LARP1: variants seen among roughly 807,000 people sequenced by gnomAD.
LARP1 encodes La ribonucleoprotein 1, translational regulator, also known as la-related protein 1.
A neutral mutation model predicts 122.7 loss-of-function variants in LARP1; 36 were observed. The observed-to-expected ratio is 0.29, with a 90% confidence interval of 0.22 to 0.39. The LOEUF (loss-of-function observed/expected upper bound fraction) is 0.39, where lower values mean the gene tolerates loss of function less well. Ranked by LOEUF, LARP1 falls within the 10% of genes least tolerant of loss-of-function variation. The probability of loss-of-function intolerance (pLI) is 1.00; values close to 1 mark genes in which losing one functional copy is unlikely to be tolerated. For missense variants in LARP1, 1,040 were observed against 1,403.6 expected (o/e 0.74, Z 4.14); for synonymous variants, 539 against 528.7 (o/e 1.02, Z -0.27).
At chr5:154,698,205 C>A (rs1158866151) in intron 1 of LARP1, among the ~76,000 whole-genome samples, 2 of 152,112 alleles carry the variant, frequency 1.3e-5, no homozygotes, top group Non-Finnish European at 2.9e-5. Flanking sequence ...AATGTGTAAT[C>A]ATCAAATCAG....
Position 154,758,719 on chromosome 5 carries a change from A to G in LARP1, c.436+2526A>G, listed in dbSNP as rs1754206164. On this transcript the variant is annotated intron_variant, in intron 1 of 18. Transcript: ENST00000518297. ...GAAATGAGTACCTCATAAGCAAACT[A>G]AAAGCTTTCCAAAGCTTGCTGTAAA... Among the ~76,000 whole-genome samples the G allele has an allele frequency of 2.0e-5, 3 of 152,228 alleles. No homozygotes were observed. In the South Asian group the frequency reaches 6.2e-4, roughly 32 times the overall value.
At chr5:154,723,321 G>T (rs1381227097) in intron 1 of LARP1, among the ~76,000 whole-genome samples, 1 of 152,302 alleles carries the variant, frequency 6.6e-6, no homozygotes, top group South Asian at 2.1e-4. Context: ...GAACCCTTGG[G>T]CCATAAGTGG....
chr5:154,738,591 CA>C (rs1043450252), intron 1 of LARP1, among the ~76,000 whole-genome samples: 45 of 142,808 alleles, frequency 3.2e-4, no homozygotes, highest in East Asian at 4.1e-4. Flanking sequence ...GACTCCGTCT[CA>C]AAAAAAAAAA....
rs1039043344 is a variant in LARP1 at position 154,802,507 on chromosome 5, A to C, written c.2109+108A>C. The stretch of plus-strand genomic sequence containing the variant: ...TTTTAGGCAGGTCCTTATAATTCAG[A>C]GTCTCAGGATTTTTATATATGGGAA... On this transcript the variant is annotated intron_variant, in intron 11 of 18. Coordinates refer to ENST00000518297, the MANE Select transcript of LARP1 (RefSeq NM_033551.3). The surrounding 1 kb of genome is among the most constrained non-coding windows in gnomAD (Gnocchi z 5.1). The C allele has an allele frequency of 4.5e-6, 6 of 1,334,182 alleles. No individual in the cohort carries two copies. The African/African-American group carries it at 7.3e-5, about 16-fold the overall frequency. 82.6% of individuals were successfully genotyped at this position (1,334,182 alleles called of 1,614,324 possible). A position where few individuals can be genotyped will look rare whatever the true frequency, so the allele number is the denominator to read the frequency against.
At chr5:154,767,473 C>T (rs1373843570) in intron 1 of LARP1, among the ~76,000 whole-genome samples, 1 of 152,162 alleles carries the variant, frequency 6.6e-6, no homozygotes, top group Admixed American at 6.5e-5. Context: ...CCTACGTGAA[C>T]TCTCAGAGCC....
intron 1 of LARP1, among the ~76,000 whole-genome samples, chr5:154,768,605 G>A (rs1257191781): frequency 3.3e-5 from 5 of 151,630 alleles, no homozygotes; most frequent in African/African-American, 4.9e-5. Context: ...TATTTGAGAC[G>A]AAGTCTCACT....
At chr5:154,738,832 G>A (rs946600421) in intron 1 of LARP1, among the ~76,000 whole-genome samples, 7 of 152,102 alleles carry the variant, frequency 4.6e-5, no homozygotes, top group African/African-American at 1.2e-4. Flanking sequence ...TGAGGTGGGA[G>A]GATTTCTTGA....
intron 1 of LARP1, among the ~76,000 whole-genome samples, chr5:154,698,119 T>C (rs1424254312): frequency 6.6e-6 from 1 of 152,236 alleles, no homozygotes; most frequent in East Asian, 1.9e-4. Flanking sequence ...TTTTTGCTTT[T>C]ATTATAATTT....
At chr5:154,756,244 T>A in intron 1 of LARP1, 51 bp downstream of exon 1, 1 of 1,158,782 alleles carries the variant, frequency 8.6e-7, no homozygotes, top group Non-Finnish European at 1.1e-6. Context: ...TCCGGGGACA[T>A]GGGAGTCCCC....
intron 1 of LARP1, among the ~76,000 whole-genome samples, chr5:154,731,998 G>A (rs1360787431): frequency 6.7e-6 from 1 of 149,884 alleles, no homozygotes; most frequent in Non-Finnish European, 1.5e-5. Flanking sequence ...CTGCAGCCTG[G>A]TAACAGAGTG....
intron 1 of LARP1, among the ~76,000 whole-genome samples, chr5:154,774,555 A>T (rs1452169407): frequency 1.3e-5 from 2 of 152,164 alleles, no homozygotes; most frequent in Non-Finnish European, 2.9e-5. Flanking sequence ...AAACCCTTGG[A>T]TATAACGGGT....
chr5:154,717,916 ATTTTCTT>A (rs376116122), intron 1 of LARP1, among the ~76,000 whole-genome samples: 4 of 151,660 alleles, frequency 2.6e-5, no homozygotes, highest in African/African-American at 4.8e-5. Flanking sequence ...ATAGCCTTTC[ATTTTCTT>A]TTTTCTTTTT....
chr5:154,688,653 C>CAAAAAAA lies in LARP1; in HGVS notation c.-180+5633_-180+5639dup, dbSNP rs10677648. Among the ~76,000 whole-genome samples the CAAAAAAA allele has an allele frequency of 4.3e-4, 34 of 79,438 alleles. 1 individual carries two copies. Among genetic ancestry groups the CAAAAAAA allele is most frequent in the African/African-American group, 1.6e-3 (29 of 18,138 alleles). 52.1% of individuals were successfully genotyped at this position (79,438 alleles called of 152,430 possible). The stretch of plus-strand genomic sequence containing the variant: ...TGGGCGGCAGAGGAAGACTCCATCT[C>CAAAAAAA]AAAAAAAAAAAAAAAAAAAAAAATT... On this transcript the variant is annotated intron_variant, in intron 1 of 18. Coordinates refer to the LARP1 transcript ENST00000687700.
chr5:154,693,854 TA>T (rs36035997), intron 1 of LARP1, among the ~76,000 whole-genome samples: 173 of 130,262 alleles, frequency 1.3e-3, no homozygotes, highest in Admixed American at 1.5e-3. Context: ...AGACTCCGTC[TA>T]AAAAAAAAAA....
intron 1 of LARP1, among the ~76,000 whole-genome samples, chr5:154,700,101 G>A (rs1754644466): frequency 6.6e-6 from 1 of 152,084 alleles, no homozygotes; most frequent in Non-Finnish European, 1.5e-5. Context: ...GGGGAATGAG[G>A]TAACTGCCTC....
At chr5:154,765,831 G>A (rs563576563) in intron 1 of LARP1, among the ~76,000 whole-genome samples, 21 of 152,310 alleles carry the variant, frequency 1.4e-4, no homozygotes, top group African/African-American at 4.6e-4. Flanking sequence ...AATGAATTGC[G>A]TATTTTTAAT....
At chr5:154,748,522 A>G (rs1468168868) in intron 1 of LARP1, among the ~76,000 whole-genome samples, 1 of 152,222 alleles carries the variant, frequency 6.6e-6, no homozygotes, top group African/African-American at 2.4e-5. Flanking sequence ...TACTTTAACT[A>G]TGGAGATTAA....
At chr5:154,735,640 C>T (rs902535744) in intron 1 of LARP1, among the ~76,000 whole-genome samples, 7 of 151,206 alleles carry the variant, frequency 4.6e-5, no homozygotes, top group East Asian at 1.9e-4. Context: ...GTGATCTCGG[C>T]TCATTGAAAC....
chr5:154,741,121 T>G (rs963919893), intron 1 of LARP1, among the ~76,000 whole-genome samples: 1 of 152,120 alleles, frequency 6.6e-6, no homozygotes, highest in African/African-American at 2.4e-5. Context: ...GGGTGTTTGT[T>G]GCTTGATTAA....
Sources: allele counts gnomAD v4.1 joint callset (sites outside exome capture counted in the v4.1 genomes callset), GRCh38; gene constraint gnomAD v4.1.1; non-coding constraint Gnocchi (gnomAD v3.1); transcripts MANE v1.5; gene names NCBI Gene and HGNC (gene_info 2026-07-23, HGNC 2026-07-21).